The following FHIT variants were observed in gnomAD, a reference collection of about 807,000 sequenced individuals.
The protein encoded by FHIT is bis(5'-adenosyl)-triphosphatase.
FHIT carries 19 observed loss-of-function variants against 17.9 expected under a neutral mutation model. The ratio of observed to expected loss-of-function variants is 1.06; its 90% CI spans 0.74 to 1.56. The LOEUF (loss-of-function observed/expected upper bound fraction) is 1.56. Ranked by LOEUF, FHIT falls within the 40% of genes most tolerant of loss-of-function variation. FHIT has a pLI of 0.00. For synonymous variants in FHIT, 81 were observed against 69.7 expected (o/e 1.16, Z -0.81); for missense variants, 248 against 189.2 (o/e 1.31, Z -1.82).
At chr3:60,254,948 T>C (rs1295220523) in intron 5 of FHIT, among the ~76,000 whole-genome samples, 1 of 152,210 alleles carries the variant, frequency 6.6e-6, no homozygotes, top group African/African-American at 2.4e-5. Flanking sequence ...ATAAATTAGA[T>C]ATTCTTTAAG....
At chr3:60,842,645 A>ATTTTTTTTTTTTTTT (rs1170383044) in intron 3 of FHIT, among the ~76,000 whole-genome samples, 7 of 94,590 alleles carry the variant, frequency 7.4e-5, no homozygotes, top group African/African-American at 8.3e-5. Context: ...ATATATATAT[A>ATTTTTTTTTTTTTTT]TTTTTTTTTT....
chr3:61,242,666 T>C (rs910217047), intron 1 of FHIT, among the ~76,000 whole-genome samples: 3 of 152,166 alleles, frequency 2.0e-5, no homozygotes, highest in Admixed American at 1.3e-4. Flanking sequence ...TCAGTCTCCC[T>C]GGAACATTTC....
chr3:59,841,481 T>A (rs1701531932), intron 8 of FHIT, among the ~76,000 whole-genome samples: 1 of 152,190 alleles, frequency 6.6e-6, no homozygotes, highest in Non-Finnish European at 1.5e-5. Context: ...TGCTGCTGTT[T>A]CCATTCATCA....
chr3:59,777,286 C>T (rs1042269604), intron 8 of FHIT, among the ~76,000 whole-genome samples: 2 of 152,084 alleles, frequency 1.3e-5, no homozygotes, highest in Admixed American at 6.6e-5. Flanking sequence ...TAGCCTGGAA[C>T]GTTTAATGAG....
chr3:59,987,022 A>G (rs1709005186), intron 7 of FHIT, among the ~76,000 whole-genome samples: 2 of 116,766 alleles, frequency 1.7e-5, no homozygotes, highest in Non-Finnish European at 3.4e-5. Context: ...TAAAAAAATA[A>G]AAATATAAAA....
At chr3:60,817,603 C>T (rs1285969273) in intron 4 of FHIT, among the ~76,000 whole-genome samples, 5 of 151,776 alleles carry the variant, frequency 3.3e-5, no homozygotes, top group South Asian at 2.1e-4. Context: ...GAGACGTCAT[C>T]GTTCATTTAA....
intron 5 of FHIT, among the ~76,000 whole-genome samples, chr3:60,512,080 T>C (rs1289124948): frequency 6.6e-6 from 1 of 152,152 alleles, no homozygotes. Flanking sequence ...ACATCTTATA[T>C]ATCCCATATT....
At chr3:60,277,558 AT>A (rs1707213696) in intron 5 of FHIT, among the ~76,000 whole-genome samples, 1 of 152,158 alleles carries the variant, frequency 6.6e-6, no homozygotes, top group Non-Finnish European at 1.5e-5. Flanking sequence ...AGAAGTCGCC[AT>A]TTGCTTAAGA....
chr3:60,310,442 A>C (rs977081891), intron 5 of FHIT, among the ~76,000 whole-genome samples: 1 of 152,202 alleles, frequency 6.6e-6, no homozygotes, highest in Admixed American at 6.5e-5. Context: ...AAAGACCAAC[A>C]GAAGCAAAGG....
intron 4 of FHIT, among the ~76,000 whole-genome samples, chr3:60,760,911 C>A (rs1238248662): frequency 1.3e-5 from 2 of 152,120 alleles, no homozygotes; most frequent in African/African-American, 4.8e-5. Context: ...GCACAACCAA[C>A]AAAACAACAT....
At chr3:61,111,254 A>C in intron 2 of FHIT, among the ~76,000 whole-genome samples, 1 of 152,236 alleles carries the variant, frequency 6.6e-6, no homozygotes, top group Admixed American at 6.5e-5. Flanking sequence ...CATTTATTCC[A>C]AATGATACAT....
intron 2 of FHIT, among the ~76,000 whole-genome samples, chr3:61,164,078 A>G (rs918014553): frequency 2.0e-5 from 3 of 152,176 alleles, no homozygotes; most frequent in African/African-American, 7.2e-5. Flanking sequence ...GGAAAAGGAG[A>G]GACTGCATTT....
intron 5 of FHIT, among the ~76,000 whole-genome samples, chr3:60,188,207 C>CTTTTTTTTTTT (rs1210975877): frequency 2.4e-5 from 3 of 125,548 alleles, no homozygotes; most frequent in Non-Finnish European, 4.9e-5. Context: ...CAGTTTCTTT[C>CTTTTTTTTTTT]TTTTTTTTTT....
At chr3:60,466,899 G>C (rs1411723040) in intron 5 of FHIT, among the ~76,000 whole-genome samples, 1 of 149,868 alleles carries the variant, frequency 6.7e-6, no homozygotes, top group Non-Finnish European at 1.5e-5. Context: ...GAATGAATCT[G>C]CAAGTATTCC....
intron 3 of FHIT, among the ~76,000 whole-genome samples, chr3:60,964,263 T>G (rs1203557326): frequency 2.3e-5 from 3 of 132,980 alleles, no homozygotes; most frequent in Admixed American, 1.5e-4. Context: ...CCCCTGCTTG[T>G]TTTTTTTTTT....
At chr3:60,566,233 G>C (rs1576891139) in intron 4 of FHIT, among the ~76,000 whole-genome samples, 1 of 152,122 alleles carries the variant, frequency 6.6e-6, no homozygotes, top group East Asian at 1.9e-4. Flanking sequence ...TGTATATTCT[G>C]TTGATTTGGG....
chr3:60,438,069 G>A (rs1176881142), intron 5 of FHIT, among the ~76,000 whole-genome samples: 1 of 152,034 alleles, frequency 6.6e-6, no homozygotes, highest in Non-Finnish European at 1.5e-5. Flanking sequence ...AGTCAAGGAA[G>A]TAATCATGTC....
intron 4 of FHIT, among the ~76,000 whole-genome samples, chr3:60,708,672 G>C (rs530156134): frequency 2.0e-4 from 30 of 152,228 alleles, no homozygotes; most frequent in Non-Finnish European, 3.4e-4. Context: ...CCAGACTTTA[G>C]GAGCCAATTA....
At chr3:60,369,687 C>G (rs1428229166) in intron 5 of FHIT, among the ~76,000 whole-genome samples, 1 of 152,160 alleles carries the variant, frequency 6.6e-6, no homozygotes, top group Non-Finnish European at 1.5e-5. Context: ...ATAGCCCCAA[C>G]TGAGCTTCTA....
Sources: allele counts gnomAD v4.1 joint callset (sites outside exome capture counted in the v4.1 genomes callset), GRCh38; gene constraint gnomAD v4.1.1; transcripts MANE v1.5; gene names NCBI Gene and HGNC (gene_info 2026-07-23, HGNC 2026-07-21).